The following L3MBTL4 variants were observed in gnomAD, a reference collection of about 807,000 sequenced individuals.
L3MBTL4 encodes lethal(3)malignant brain tumor-like protein 4.
L3MBTL4 carries 70 observed loss-of-function variants against 84.5 expected under a neutral mutation model. That is an observed-to-expected ratio of 0.83 (90% CI 0.68 to 1.01). L3MBTL4 has a LOEUF of 1.01. Among genes scored for constraint, L3MBTL4 ranks in the 50% least tolerant of loss-of-function variants. The probability of loss-of-function intolerance (pLI) is 0.00; values close to 1 mark genes in which losing one functional copy is unlikely to be tolerated. For synonymous variants in L3MBTL4, 274 were observed against 259.8 expected (o/e 1.05, Z -0.52); for missense variants, 715 against 754.8 (o/e 0.95, Z 0.62).
intron 16 of L3MBTL4, chr18:6,032,105 G>C (rs1056151513): frequency 6.3e-5 from 14 of 222,746 alleles, no homozygotes; most frequent in Non-Finnish European, 1.1e-4. Context: ...AGCTTCCCCA[G>C]TAGGTGGGAC....
At chr18:6,240,743 A>G (rs1029767844) in intron 8 of L3MBTL4, among the ~76,000 whole-genome samples, 7 of 152,208 alleles carry the variant, frequency 4.6e-5, no homozygotes, top group African/African-American at 1.7e-4. Flanking sequence ...TAACGATTGT[A>G]TAACACTGCT....
intron 13 of L3MBTL4, among the ~76,000 whole-genome samples, chr18:6,164,582 A>T (rs952347385): frequency 6.6e-6 from 1 of 152,192 alleles, no homozygotes; most frequent in Non-Finnish European, 1.5e-5. Context: ...TCTGGAGTGG[A>T]CCTCCAACAA....
At chr18:6,384,595 T>C (rs978304837) in intron 1 of L3MBTL4, among the ~76,000 whole-genome samples, 1 of 152,254 alleles carries the variant, frequency 6.6e-6, no homozygotes, top group Non-Finnish European at 1.5e-5. Flanking sequence ...GATTTTAAAA[T>C]ATTTCTGCAA....
chr18:6,237,882 C>A, intron 10 of L3MBTL4, 82 bp downstream of exon 10: 1 of 997,872 alleles, frequency 1.0e-6, no homozygotes, highest in Non-Finnish European at 1.6e-6. Flanking sequence ...GTATTAAAAT[C>A]TGGTCTTCAT....
intron 1 of L3MBTL4, among the ~76,000 whole-genome samples, chr18:6,321,295 C>A (rs1167909686): frequency 3.3e-5 from 5 of 152,010 alleles, no homozygotes; most frequent in African/African-American, 1.2e-4. Context: ...AACAGACAAC[C>A]CAGAGAATGG....
intron 13 of L3MBTL4, among the ~76,000 whole-genome samples, chr18:6,156,182 A>G (rs2043096256): frequency 6.6e-6 from 1 of 152,204 alleles, no homozygotes; most frequent in African/African-American, 2.4e-5. Flanking sequence ...GAAGTAGCCA[A>G]AATAGCCAGA....
At chr18:5,987,239 T>A (rs2053501717) in intron 16 of L3MBTL4, among the ~76,000 whole-genome samples, 1 of 152,232 alleles carries the variant, frequency 6.6e-6, no homozygotes, top group Non-Finnish European at 1.5e-5. Context: ...AGGGAAAATG[T>A]GCTATGAAGT....
intron 12 of L3MBTL4, among the ~76,000 whole-genome samples, chr18:6,177,055 C>T (rs530712276): frequency 6.6e-6 from 1 of 152,328 alleles, no homozygotes; most frequent in Admixed American, 6.5e-5. Context: ...TAAAATTGCA[C>T]AACCACTTTC....
chr18:6,058,805 A>G (rs1462588045), intron 16 of L3MBTL4, among the ~76,000 whole-genome samples: 2 of 152,204 alleles, frequency 1.3e-5, no homozygotes, highest in African/African-American at 4.8e-5. Flanking sequence ...CAAAGCCAAC[A>G]TGCATGTTAA....
intron 13 of L3MBTL4, among the ~76,000 whole-genome samples, chr18:6,165,919 C>T (rs1350219918): frequency 2.0e-5 from 3 of 152,120 alleles, no homozygotes; most frequent in African/African-American, 7.2e-5. Flanking sequence ...CATCAGTGTG[C>T]TGTATTCAGG....
At chr18:6,139,561 A>G (rs1412560470) in intron 13 of L3MBTL4, among the ~76,000 whole-genome samples, 1 of 152,006 alleles carries the variant, frequency 6.6e-6, no homozygotes, top group African/African-American at 2.4e-5. Flanking sequence ...CAGTTCCTGG[A>G]ACGTCCCATC....
chr18:6,223,133 C>A (rs1044790029), intron 10 of L3MBTL4, among the ~76,000 whole-genome samples: 3 of 151,722 alleles, frequency 2.0e-5, no homozygotes, highest in African/African-American at 7.3e-5. Context: ...CTAAAAAAAC[C>A]AACTGTGTTA....
At chr18:6,149,111 A>G (rs2144797962) in intron 13 of L3MBTL4, among the ~76,000 whole-genome samples, 1 of 152,040 alleles carries the variant, frequency 6.6e-6, no homozygotes, top group South Asian at 2.1e-4. Context: ...GGCTTGTTAC[A>G]TATGTATACA....
At chr18:6,186,810 G>C (rs930294927) in intron 12 of L3MBTL4, among the ~76,000 whole-genome samples, 1 of 152,230 alleles carries the variant, frequency 6.6e-6, no homozygotes, top group Non-Finnish European at 1.5e-5. Context: ...AAGTGCTCTA[G>C]GCAGGGAAGC....
intron 1 of L3MBTL4, among the ~76,000 whole-genome samples, chr18:6,384,417 C>G (rs576767674): frequency 7.5e-4 from 114 of 152,234 alleles, no homozygotes; most frequent in African/African-American, 2.6e-3. Flanking sequence ...TAATGGCTGT[C>G]TTCAGGGAGA....
chr18:5,980,263 C>T (rs932125734), intron 16 of L3MBTL4, among the ~76,000 whole-genome samples: 1 of 152,196 alleles, frequency 6.6e-6, no homozygotes, highest in Non-Finnish European at 1.5e-5. Flanking sequence ...TGCTTCTCAG[C>T]AGAAACTCTC....
At chr18:6,349,222 A>G (rs1216713949) in intron 1 of L3MBTL4, among the ~76,000 whole-genome samples, 1 of 152,228 alleles carries the variant, frequency 6.6e-6, no homozygotes, top group Admixed American at 6.5e-5. Context: ...TGTATTCACC[A>G]AAAGACATAT....
chr18:6,306,480 T>C (rs1206874050), intron 3 of L3MBTL4, among the ~76,000 whole-genome samples: 1 of 152,184 alleles, frequency 6.6e-6, no homozygotes, highest in African/African-American at 2.4e-5. Context: ...CAGTCTTCTA[T>C]GAGGCAACAA....
chr18:6,252,955 G>C (rs2047988769), intron 5 of L3MBTL4, among the ~76,000 whole-genome samples: 3 of 152,228 alleles, frequency 2.0e-5, no homozygotes, highest in Admixed American at 6.5e-5. Flanking sequence ...TGTAATCCCA[G>C]CACTTTGGGA....
Sources: gnomAD v4.1 joint callset for allele counts (sites outside exome capture counted in the v4.1 genomes callset) on GRCh38, gnomAD v4.1.1 for gene constraint, MANE v1.5 for transcripts, NCBI Gene and HGNC (gene_info 2026-07-23, HGNC 2026-07-21) for gene names.